MTMR4: variants seen among roughly 807,000 people sequenced by gnomAD.
MTMR4 encodes the protein phosphatidylinositol-3,5-bisphosphate 3-phosphatase MTMR4.
A neutral mutation model predicts 125.5 loss-of-function variants in MTMR4; 30 were observed. The observed-to-expected ratio is 0.24, with a 90% confidence interval of 0.18 to 0.32. The LOEUF (loss-of-function observed/expected upper bound fraction) is 0.32, where lower values mean the gene tolerates loss of function less well. Among genes scored for constraint, MTMR4 ranks in the 10% least tolerant of loss-of-function variants. The probability of loss-of-function intolerance (pLI) is 1.00; values close to 1 mark genes in which losing one functional copy is unlikely to be tolerated. For synonymous variants in MTMR4, 498 were observed against 564.5 expected (o/e 0.88, Z 1.67); for missense variants, 1,039 against 1,511.5 (o/e 0.69, Z 5.18).
chr17:58,517,487 T>C (rs1354065525), upstream of MTMR4, among the ~76,000 whole-genome samples: 1 of 152,214 alleles, frequency 6.6e-6, no homozygotes, highest in Non-Finnish European at 1.5e-5. Context: ...TTCTCCCTCA[T>C]GGGGGAACCG....
Position 58,512,773 on chromosome 17 carries a change from G to T in MTMR4, c.135+79C>A. On this transcript the variant is annotated intron_variant, in intron 2 of 17. Coordinates refer to ENST00000682306, the MANE Select transcript of MTMR4 (RefSeq NM_001378067.1). This position sits in a 1 kb window ranked among gnomAD's most constrained non-coding sequence, Gnocchi z 4.1. ...CAGAGCTCTGGTACCAGATGCCCTT[G>T]AGGATTTTTGGGAGAAGGGAGGGTG... 7.8e-7 allele frequency: 1 copy of T among 1,274,064 alleles called. No homozygotes were observed. The highest frequency in any genetic ancestry group is 1.1e-6 in the Non-Finnish European group (1 of 881,978). The allele number at this position is 1,274,064 out of a possible 1,614,324, so 78.9% of individuals were successfully genotyped here.
At chr17:58,492,173 T>C (rs1374793764) in intron 17 of MTMR4, among the ~76,000 whole-genome samples, 2 of 152,220 alleles carry the variant, frequency 1.3e-5, no homozygotes, top group East Asian at 1.9e-4. Flanking sequence ...ATTTTTGTTT[T>C]TGTTTTTTGT....
At position 58,491,723 on chromosome 17, in the gene MTMR4, A is replaced by G. The variant is rs769290269; in HGVS notation, c.3570T>C (p.Ser1190=). 1.2e-6 allele frequency: 2 copies of G among 1,614,132 alleles called. No individual in the cohort carries two copies. The highest frequency in any genetic ancestry group is 2.2e-5 in the South Asian group (2 of 91,080). Residue 1190 remains serine, a synonymous_variant, in exon 18 of 18, where the codon TCT becomes TCC. Coordinates refer to ENST00000682306, the MANE Select transcript of MTMR4 (RefSeq NM_001378067.1). The part of the protein sequence containing the change: ...CNSCYEHIQV[S]RARELMSQQL... ...GTTGGCTCATGAGTTCCCTGGCACGAGAGACTTGAATGTGTTCGTAACATG... is the reference window on the plus strand; with the variant it reads ...GTTGGCTCATGAGTTCCCTGGCACGGGAGACTTGAATGTGTTCGTAACATG...
intron 17 of MTMR4, 70 bp downstream of exon 17, chr17:58,492,441 T>C: frequency 7.2e-7 from 1 of 1,382,782 alleles, no homozygotes; most frequent in East Asian, 2.3e-5. Context: ...GGTGTTGGCA[T>C]TACAGGTGTG....
upstream of MTMR4, among the ~76,000 whole-genome samples, chr17:58,515,938 G>T (rs1288624737): frequency 6.6e-6 from 1 of 152,212 alleles, no homozygotes; most frequent in East Asian, 1.9e-4. Flanking sequence ...CCATCTCACT[G>T]CCTCCTCCTA....
intron 14 of MTMR4, among the ~76,000 whole-genome samples, chr17:58,503,386 G>A (rs1342535494): frequency 2.6e-5 from 4 of 152,160 alleles, no homozygotes; most frequent in South Asian, 2.1e-4. Flanking sequence ...GGTGGCTCAC[G>A]CCTGTAATCC....
rs1335324496 is a variant in MTMR4 at position 58,511,485 on chromosome 17, C to T, written c.279G>A (p.Val93=). The change falls in exon 4 of 18, where the codon GTG becomes GTA. Residue 93 remains valine, a synonymous_variant. Transcript: ENST00000682306. ...GCAACTGGAACATATCACGGCTCTC[C>T]ACACTGTCAATCATCCGGAGGGGGA... ...INVPLRMIDS[V]ESRDMFQLHI... The T allele has an allele frequency of 5.6e-6, 9 of 1,612,820 alleles. No individual in the cohort carries two copies. The highest frequency in any genetic ancestry group is 7.6e-6 in the Non-Finnish European group (9 of 1,179,504).
Position 58,491,086 on chromosome 17 carries a change from C to T in MTMR4, c.*577G>A, listed in dbSNP as rs1345405737. 1.3e-5 allele frequency: 2 copies of T among 152,730 alleles called. No homozygotes were observed. Among genetic ancestry groups the T allele is most frequent in the African/African-American group, 2.4e-5 (1 of 41,448 alleles). 9.5% of individuals were successfully genotyped at this position (152,730 alleles called of 1,614,324 possible). ...GAGCCAACTGAAAAATACATTGAAA[C>T]CTCCACTTGCTGAGCCAGTCTTCAA... On this transcript the variant is annotated 3_prime_UTR_variant, in exon 18 of 18. Transcript: ENST00000682306.
chr17:58,505,403 A>C, intron 10 of MTMR4, 69 bp downstream of exon 10: 1 of 1,351,928 alleles, frequency 7.4e-7, no homozygotes, highest in Non-Finnish European at 1.0e-6. Context: ...CTCCCCATCT[A>C]ATCTTCCAAG....
At chr17:58,518,698 C>CG (rs1376383863), upstream of MTMR4, among the ~76,000 whole-genome samples, 1 of 152,210 alleles carries the variant, frequency 6.6e-6, no homozygotes, top group East Asian at 1.9e-4. Context: ...CCCAAGGACC[C>CG]GGCTTATCGC....
Position 58,512,983 on chromosome 17 carries a change from G to T in MTMR4, c.46-42C>A. 6.9e-7 allele frequency: 1 copy of T among 1,445,878 alleles called. No homozygotes were observed. Among genetic ancestry groups the T allele is most frequent in the Non-Finnish European group, 9.7e-7 (1 of 1,030,262 alleles). 89.6% of individuals were successfully genotyped at this position (1,445,878 alleles called of 1,614,324 possible). A position where few individuals can be genotyped will look rare whatever the true frequency, so the allele number is the denominator to read the frequency against. On this transcript the variant is annotated intron_variant, in intron 1 of 17. Coordinates refer to ENST00000682306, the MANE Select transcript of MTMR4 (RefSeq NM_001378067.1). The surrounding 1 kb of genome is among the most constrained non-coding windows in gnomAD (Gnocchi z 4.1). ...GTCCTAAGTCACCAAGCTCCACTTA[G>T]CCCATCAGGCTCATTCTGCTCCTCT...
chr17:58,513,664 G>T (rs1440838301), intron 1 of MTMR4, among the ~76,000 whole-genome samples: 1 of 151,960 alleles, frequency 6.6e-6, no homozygotes, highest in East Asian at 1.9e-4. Flanking sequence ...CCACGCGCCT[G>T]GGAGGAGCCA....
chr17:58,511,231 A>G (rs1975921921), intron 4 of MTMR4, 198 bp downstream of exon 4: 1 of 519,378 alleles, frequency 1.9e-6, no homozygotes, highest in African/African-American at 1.9e-5. Context: ...TGAACTAGGC[A>G]TTACCCCCAT....
In MTMR4 at chr17:58,511,517, G is replaced by C; in HGVS notation, c.253-6C>G. 1 of 1,611,958 alleles carries C rather than the reference G, an allele frequency of 6.2e-7. No individual in the cohort carries two copies. The highest frequency in any genetic ancestry group is 8.5e-7 in the Non-Finnish European group (1 of 1,178,938). On this transcript the variant is annotated splice_region_variant and splice_polypyrimidine_tract_variant and intron_variant, in intron 3 of 17. Coordinates refer to ENST00000682306, the MANE Select transcript of MTMR4 (RefSeq NM_001378067.1). ...TCAATCATCCGGAGGGGGACCTGTA[G>C]AGGAAGGGCAAACTGAAGCTCAGAC... is the stretch of plus-strand genomic sequence containing the variant.
Position 58,512,929 on chromosome 17 carries a change from G to A in MTMR4, c.58C>T (p.Pro20Ser), listed in dbSNP as rs1975971904. Residue 20 changes from proline to serine, a missense_variant, in exon 2 of 18, where the codon CCC becomes TCC. Coordinates refer to ENST00000682306, the MANE Select transcript of MTMR4 (RefSeq NM_001378067.1). This position sits in a 1 kb window ranked among gnomAD's most constrained non-coding sequence, Gnocchi z 4.1. The stretch of plus-strand genomic sequence containing the variant: ...GCTTGGATGTACTCCAGGCTGGGGG[G>A]CCCCTCCTCACCCTGTAGGAAGGCC... Reference protein sequence around the residue: ...SMLSCFGEEGPPSLEYIQAKD... With the variant: ...SMLSCFGEEGSPSLEYIQAKD... The A allele has an allele frequency of 6.2e-7, 1 of 1,610,728 alleles. No homozygotes were observed. The highest frequency in any genetic ancestry group is 2.2e-5 in the East Asian group (1 of 44,712).
At chr17:58,511,270 T>G in intron 4 of MTMR4, 159 bp downstream of exon 4, 1 of 649,328 alleles carries the variant, frequency 1.5e-6, no homozygotes, top group East Asian at 2.8e-5. Flanking sequence ...TATGGGTCAG[T>G]AAACTGACCT....
rs780579813 is a variant in MTMR4 at position 58,507,285 on chromosome 17, T to C, written c.742A>G (p.Ser248Gly). 1 of 1,613,960 alleles carries C rather than the reference T, an allele frequency of 6.2e-7. No individual in the cohort carries two copies. The highest frequency in any genetic ancestry group is 8.5e-7 in the Non-Finnish European group (1 of 1,180,002). Reference protein sequence around the residue: ...LRNGAAIARCSQPEISWWGWR... With the variant: ...LRNGAAIARCGQPEISWWGWR... ...CCCCACCAGCTGATCTCTGGCTGGC[T>C]GCAGCGGGCGATGGCAGCCCCATTG... The change falls in exon 8 of 18, where the codon AGC (serine) becomes GGC (glycine). Residue 248 changes from serine to glycine, a missense_variant. Physicochemically the swap from Ser to Gly is moderately conservative, Grantham distance 56. Transcript: ENST00000682306.
In MTMR4 at chr17:58,507,068, A is replaced by C. The variant is rs996946899; in HGVS notation, c.904+55T>G. 4 of 1,605,042 alleles carry C rather than the reference A, an allele frequency of 2.5e-6. No individual in the cohort carries two copies. The African/African-American group carries it at 5.4e-5, about 22-fold the overall frequency. ...CTCACTGGGGACTCCCTGGGAGCCA[A>C]TGAAGCCAAGGAGGGGGCCTGCTCC... On this transcript the variant is annotated intron_variant, in intron 8 of 17. Transcript: ENST00000682306.
upstream of MTMR4, among the ~76,000 whole-genome samples, chr17:58,516,124 C>G (rs537087693): frequency 9.8e-5 from 15 of 152,356 alleles, no homozygotes; most frequent in Middle Eastern, 0.01. Context: ...CAGCAGCACC[C>G]TGGAACTAGA....
Sources: gnomAD v4.1 joint callset for allele counts (sites outside exome capture counted in the v4.1 genomes callset) on GRCh38, gnomAD v4.1.1 for gene constraint, Gnocchi (gnomAD v3.1) non-coding constraint, MANE v1.5 for transcripts, NCBI Gene and HGNC (gene_info 2026-07-23, HGNC 2026-07-21) for gene names.